TMEM120A: variants seen among roughly 807,000 people sequenced by gnomAD.
TMEM120A encodes ion channel TACAN.
Under a neutral mutation model 54.3 loss-of-function variants are expected in TMEM120A, and 45 were observed. The observed-to-expected ratio is 0.83, with a 90% confidence interval of 0.65 to 1.06. The LOEUF is 1.06. Ranked by LOEUF, TMEM120A falls within the 50% of genes least tolerant of loss-of-function variation. TMEM120A has a pLI of 0.00. For missense variants in TMEM120A, 424 were observed against 441.7 expected, an observed-to-expected ratio of 0.96 and a Z score of 0.36; for synonymous variants, 204 against 178.5, an observed-to-expected ratio of 1.14 and a Z score of -1.14.
At chr7:75,987,839 G>A (rs1198556666) in intron 8 of TMEM120A, 29 bp from the exon 9 acceptor site, 37 of 1,606,966 alleles carry the variant, frequency 2.3e-5, no homozygotes, top group Non-Finnish European at 3.0e-5. Flanking sequence ...AGAGGAGCAG[G>A]GCTGAGCCCC....
At chr7:75,992,390 C>G in intron 2 of TMEM120A, 49 bp downstream of exon 2, 1 of 1,572,392 alleles carries the variant, frequency 6.4e-7, no homozygotes, top group Non-Finnish European at 8.7e-7. Context: ...CAGCGCCAGC[C>G]CTCCCACCCC....
intron 9 of TMEM120A, 46 bp from the exon 10 acceptor site, chr7:75,987,648 G>T: frequency 1.2e-6 from 2 of 1,604,552 alleles, no homozygotes; most frequent in Non-Finnish European, 8.5e-7. Context: ...GGACAGAGGG[G>T]ACGCTACCAC....
rs543501547 is a variant in TMEM120A at position 75,987,775 on chromosome 7, C to T, written c.727G>A (p.Gly243Ser). The change falls in exon 9 of 12, where the codon GGC (glycine) becomes AGC (serine). Residue 243 changes from glycine to serine, a missense_variant. Transcript: ENST00000493111. ...AGCGCCCGCAGGCGGTAGAGGCAGC[C>T]GCTCTGGTAGTAGTACTGGAGAAAC... ...VQFLQYYYQS[G>S]CLYRLRALGE... 222 of 1,612,150 alleles carry T rather than the reference C, an allele frequency of 1.4e-4. No homozygotes were observed. The highest frequency in any genetic ancestry group is 1.7e-4 in the Non-Finnish European group (197 of 1,179,776).
At chr7:75,993,976 C>A (rs1283521717) in intron 1 of TMEM120A, among the ~76,000 whole-genome samples, 1 of 151,128 alleles carries the variant, frequency 6.6e-6, no homozygotes, top group African/African-American at 2.4e-5. Flanking sequence ...TCCCACCCCT[C>A]CCCTGGTTCT....
chr7:75,989,426 C>T (rs897025277), intron 3 of TMEM120A, among the ~76,000 whole-genome samples: 4 of 151,724 alleles, frequency 2.6e-5, no homozygotes, highest in South Asian at 2.1e-4. Context: ...CCGCCTGCTC[C>T]GGAATCCTGA....
At chr7:75,991,702 C>A (rs1554561802) in intron 3 of TMEM120A, among the ~76,000 whole-genome samples, 1 of 152,142 alleles carries the variant, frequency 6.6e-6, no homozygotes, top group Non-Finnish European at 1.5e-5. Context: ...CCGCGCCCAG[C>A]CTATTTGTTC....
Position 75,988,152 on chromosome 7 carries a change from G to C in TMEM120A, c.564-4C>G, listed in dbSNP as rs1789621170. The C allele has an allele frequency of 1.5e-5, 24 of 1,610,674 alleles. No individual in the cohort carries two copies. The highest frequency in any genetic ancestry group is 2.0e-5 in the Non-Finnish European group (24 of 1,179,086). ...GAACACCCACCAGCCTTTGATCCTG[G>C]AGCAGAGAGCCACCATCACCCCCAG... On this transcript the variant is annotated splice_polypyrimidine_tract_variant and splice_region_variant and intron_variant, in intron 6 of 11. Coordinates refer to ENST00000493111, the MANE Select transcript of TMEM120A (RefSeq NM_031925.3).
At chr7:75,993,421 T>C (rs895243179) in intron 1 of TMEM120A, among the ~76,000 whole-genome samples, 2 of 152,216 alleles carry the variant, frequency 1.3e-5, no homozygotes, top group Non-Finnish European at 2.9e-5. Flanking sequence ...CCCAAGCACT[T>C]TGCCCTGGTA....
chr7:75,992,399 C>G (rs782094509), intron 2 of TMEM120A, 40 bp downstream of exon 2: 6 of 1,584,306 alleles, frequency 3.8e-6, no homozygotes, highest in Non-Finnish European at 5.2e-6. Context: ...CCCTCCCACC[C>G]CACACTCTGC....
rs1789576794 is a variant in TMEM120A at position 75,987,564 on chromosome 7, G to A, written c.823C>T (p.Leu275=). Reference sequence around the variant, plus strand: ...TGTCCAAAGAAAAGAAAAGGCAGCAGGAAGGTGAGGCCCCGCCACATCCAG... The same window carrying A: ...TGTCCAAAGAAAAGAAAAGGCAGCAAGAAGGTGAGGCCCCGCCACATCCAG... The part of the protein sequence containing the change: ...QSWMWRGLTF[L]LPFLFFGHFW... The change falls in exon 10 of 12, where the codon CTG becomes TTG. Residue 275 remains leucine, a synonymous_variant. Transcript: ENST00000493111. 4 of 1,600,322 alleles carry A rather than the reference G, an allele frequency of 2.5e-6. No homozygotes were observed. The highest frequency in any genetic ancestry group is 3.4e-6 in the Non-Finnish European group (4 of 1,173,670).
At chr7:75,994,305 C>T (rs1447898970) in intron 1 of TMEM120A, among the ~76,000 whole-genome samples, 185 bp downstream of exon 1, 3 of 152,078 alleles carry the variant, frequency 2.0e-5, no homozygotes, top group Non-Finnish European at 4.4e-5. Flanking sequence ...CGCCGGGGTT[C>T]CCGGACACTG....
chr7:75,994,518 T>C lies in TMEM120A; in HGVS notation c.53A>G (p.Asp18Gly), dbSNP rs1259428794. Residue 18 changes from aspartate to glycine, a missense_variant, in exon 1 of 12, where the codon GAT becomes GGT. Physicochemically the swap from Asp to Gly is moderately conservative, Grantham distance 94 (BLOSUM62 -1). Transcript: ENST00000493111. ...PLGDCLRDWE[D>G]LQQDFQNIQE... ...GATGTTCTGGAAGTCCTGCTGTAGA[T>C]CCTCCCAGTCCCGCAGGCAGTCGCC... is the stretch of plus-strand genomic sequence containing the variant. The C allele has an allele frequency of 3.8e-6, 6 of 1,566,146 alleles. No homozygotes were observed. Among genetic ancestry groups the C allele is most frequent in the African/African-American group, 1.4e-5 (1 of 73,028 alleles).
At chr7:75,994,021 T>C (rs541122866) in intron 1 of TMEM120A, among the ~76,000 whole-genome samples, 1 of 115,542 alleles carries the variant, frequency 8.7e-6, no homozygotes, top group Non-Finnish European at 1.6e-5. Context: ...TCAAGTCCCC[T>C]CTTTCCTTCC....
In TMEM120A at chr7:75,987,133, G is replaced by C. The variant is rs1378558757; in HGVS notation, c.*39C>G. 9.2e-6 allele frequency: 14 copies of C among 1,524,330 alleles called. No homozygotes were observed. The highest frequency in any genetic ancestry group is 1.4e-5 in the African/African-American group (1 of 72,654). The allele number at this position is 1,524,330 out of a possible 1,614,324, so 94.4% of individuals were successfully genotyped here. A position where few individuals can be genotyped will look rare whatever the true frequency, so the allele number is the denominator to read the frequency against. On this transcript the variant is annotated 3_prime_UTR_variant, in exon 12 of 12. Coordinates refer to ENST00000493111, the MANE Select transcript of TMEM120A (RefSeq NM_031925.3). Reference sequence around the variant, plus strand: ...TCCCATCCCCTCCCACAACACACAGGACAGAAGCCCCTCTGGGCCGGCAGG... The same window carrying C: ...TCCCATCCCCTCCCACAACACACAGCACAGAAGCCCCTCTGGGCCGGCAGG...
intron 3 of TMEM120A, among the ~76,000 whole-genome samples, chr7:75,990,318 AGGAGCACTGTGCCG>A (rs1212965039): frequency 9.9e-5 from 15 of 152,008 alleles, no homozygotes; most frequent in African/African-American, 1.7e-4. Context: ...GCACTATGCC[AGGAGCACTGTGCCG>A]GGAGCACTCC....
chr7:75,987,430 T>C lies in TMEM120A; in HGVS notation c.850-2A>G. 1 of 1,561,178 alleles carries C rather than the reference T, an allele frequency of 6.4e-7. No homozygotes were observed. The highest frequency in any genetic ancestry group is 2.4e-5 in the East Asian group (1 of 41,850). ...CAGCGCGTTAAAAAGCTGCCAGAAC[T>C]AAGCAGGGAGGAGGCATTTTACTCA... On this transcript the variant is annotated splice_acceptor_variant, in intron 10 of 11. Coordinates refer to ENST00000493111, the MANE Select transcript of TMEM120A (RefSeq NM_031925.3). LOFTEE classifies it high-confidence loss of function.
chr7:75,987,479 C>A (rs1789569195), intron 10 of TMEM120A, 51 bp from the exon 11 acceptor site: 1 of 1,548,938 alleles, frequency 6.5e-7, no homozygotes, highest in Non-Finnish European at 8.7e-7. Context: ...CTGCTGGAGC[C>A]CGAAACCGGC....
Position 75,987,195 on chromosome 7 carries a change from G to A in TMEM120A, c.1009C>T (p.Arg337Trp), listed in dbSNP as rs782444597. 9 of 1,605,150 alleles carry A rather than the reference G, an allele frequency of 5.6e-6. No homozygotes were observed. The highest frequency in any genetic ancestry group is 4.5e-5 in the East Asian group (2 of 44,600). ...CCTCAATCCTTCTTGCTCCCGTGCCGCTGACTGTGAAACTTGTGGTGCACA... is the reference window on the plus strand; with the variant it reads ...CCTCAATCCTTCTTGCTCCCGTGCCACTGACTGTGAAACTTGTGGTGCACA... ...RVVHHKFHSQ[R>W]HGSKKD is the part of the protein sequence containing the mutation. Residue 337 changes from arginine (R) to tryptophan (W), a missense_variant, in exon 12 of 12, where the codon CGG becomes TGG. Transcript: ENST00000493111.
In TMEM120A at chr7:75,987,587, C is replaced by A; in HGVS notation, c.800G>T (p.Trp267Leu). Residue 267 changes from tryptophan to leucine, a missense_variant, in exon 10 of 12, where the codon TGG becomes TTG. Coordinates refer to ENST00000493111, the MANE Select transcript of TMEM120A (RefSeq NM_031925.3). ...CAGGAAGGTGAGGCCCCGCCACATC[C>A]AGGACTGGAAGCCCTCTGCGGGGAG... ...MDLTVEGFQS[W>L]MWRGLTFLLP... 6.2e-7 allele frequency: 1 copy of A among 1,608,632 alleles called. No individual in the cohort carries two copies. The highest frequency in any genetic ancestry group is 8.5e-7 in the Non-Finnish European group (1 of 1,178,020).
Sources: allele counts gnomAD v4.1 joint callset (sites outside exome capture counted in the v4.1 genomes callset), GRCh38; gene constraint gnomAD v4.1.1; transcripts MANE v1.5; gene names NCBI Gene and HGNC (gene_info 2026-07-23, HGNC 2026-07-21).